The following PPP1R9A variants were observed in gnomAD, a reference collection of about 807,000 sequenced individuals.
PPP1R9A encodes neurabin-1.
Under a neutral mutation model 141.9 loss-of-function variants are expected in PPP1R9A, and 59 were observed. That is an observed-to-expected ratio of 0.42 (90% CI 0.34 to 0.52). The LOEUF is 0.52. Among genes scored for constraint, PPP1R9A ranks in the 20% least tolerant of loss-of-function variants. The probability of loss-of-function intolerance (pLI) is 0.10; values close to 1 mark genes in which losing one functional copy is unlikely to be tolerated. For missense variants in PPP1R9A, 1,444 were observed against 1,611.9 expected (o/e 0.90, Z 1.78); for synonymous variants, 500 against 569.7 (o/e 0.88, Z 1.74).
At chr7:94,948,696 T>C (rs1024005774) in intron 2 of PPP1R9A, among the ~76,000 whole-genome samples, 5 of 152,170 alleles carry the variant, frequency 3.3e-5, no homozygotes, top group African/African-American at 1.2e-4. Flanking sequence ...GTAAAATCCA[T>C]CTTTTGCATC....
At chr7:95,127,489 T>G (rs1051599935) in intron 4 of PPP1R9A, among the ~76,000 whole-genome samples, 5 of 147,624 alleles carry the variant, frequency 3.4e-5, no homozygotes, top group African/African-American at 1.3e-4. Context: ...GTATCTCTTC[T>G]GTCTTCTTTT....
At chr7:95,236,640 A>G (rs999065627) in intron 8 of PPP1R9A, among the ~76,000 whole-genome samples, 10 of 145,460 alleles carry the variant, frequency 6.9e-5, no homozygotes, top group African/African-American at 2.5e-4. Flanking sequence ...TTTTTGTAGA[A>G]TTTTATCTGT....
intron 4 of PPP1R9A, among the ~76,000 whole-genome samples, chr7:95,139,272 G>A (rs994680985): frequency 2.6e-5 from 4 of 152,242 alleles, no homozygotes; most frequent in African/African-American, 9.6e-5. Flanking sequence ...GAGCGAAGGG[G>A]GAAGCCCTAT....
chr7:95,146,720 G>A (rs1452972774), intron 4 of PPP1R9A, among the ~76,000 whole-genome samples: 3 of 152,154 alleles, frequency 2.0e-5, no homozygotes, highest in African/African-American at 7.2e-5. Context: ...CATATAGCTA[G>A]CTAGTTTTCT....
At chr7:94,941,897 G>A (rs1435896397) in intron 2 of PPP1R9A, among the ~76,000 whole-genome samples, 1 of 152,026 alleles carries the variant, frequency 6.6e-6, no homozygotes, top group East Asian at 1.9e-4. Context: ...AATTGGCTAT[G>A]TTTTTGCATC....
At chr7:95,173,631 T>C (rs559551122) in intron 5 of PPP1R9A, among the ~76,000 whole-genome samples, 23 of 152,154 alleles carry the variant, frequency 1.5e-4, no homozygotes, top group African/African-American at 5.3e-4. Flanking sequence ...AATTTTCTGA[T>C]AAAGAACTCT....
chr7:94,947,137 G>A (rs373866843), intron 2 of PPP1R9A, among the ~76,000 whole-genome samples: 4 of 151,984 alleles, frequency 2.6e-5, no homozygotes, highest in Admixed American at 6.6e-5. Flanking sequence ...TAGAAAAGTC[G>A]GCTTGCAGGC....
At chr7:95,138,525 G>T (rs1021689726) in intron 4 of PPP1R9A, among the ~76,000 whole-genome samples, 1 of 152,038 alleles carries the variant, frequency 6.6e-6, no homozygotes, top group Non-Finnish European at 1.5e-5. Flanking sequence ...CTGAGAAATT[G>T]AACTTCATTA....
intron 8 of PPP1R9A, among the ~76,000 whole-genome samples, chr7:95,229,732 C>T (rs1050132981): frequency 2.6e-5 from 4 of 152,070 alleles, no homozygotes; most frequent in African/African-American, 9.7e-5. Context: ...AGCTCTGTGG[C>T]CCTGCTGACT....
At chr7:95,112,296 A>G (rs1217286604) in intron 3 of PPP1R9A, among the ~76,000 whole-genome samples, 1 of 152,226 alleles carries the variant, frequency 6.6e-6, no homozygotes, top group Non-Finnish European at 1.5e-5. Flanking sequence ...CAAGCAGTCA[A>G]CAAACATGAA....
chr7:95,072,947 ATATAT>A (rs988640636), intron 2 of PPP1R9A, among the ~76,000 whole-genome samples: 2 of 129,242 alleles, frequency 1.5e-5, no homozygotes, highest in African/African-American at 2.9e-5. Flanking sequence ...TATATATATT[ATATAT>A]TATAATATGT....
intron 2 of PPP1R9A, among the ~76,000 whole-genome samples, chr7:95,041,658 G>A (rs967178377): frequency 1.1e-4 from 17 of 151,804 alleles, no homozygotes; most frequent in South Asian, 4.1e-4. Flanking sequence ...GTAGTTTCTC[G>A]TAACTAGAAA....
At chr7:95,096,883 C>A (rs1207808730) in intron 2 of PPP1R9A, among the ~76,000 whole-genome samples, 1 of 152,126 alleles carries the variant, frequency 6.6e-6, no homozygotes, top group Non-Finnish European at 1.5e-5. Flanking sequence ...AGGCTGAAGT[C>A]TTTGCTTTCG....
At chr7:95,069,956 T>G (rs1441123494) in intron 2 of PPP1R9A, among the ~76,000 whole-genome samples, 1 of 152,204 alleles carries the variant, frequency 6.6e-6, no homozygotes, top group African/African-American at 2.4e-5. Context: ...CACAGTAAAC[T>G]GATCTCTTCT....
intron 2 of PPP1R9A, among the ~76,000 whole-genome samples, chr7:94,928,537 A>G (rs1793760239): frequency 6.6e-6 from 1 of 152,136 alleles, no homozygotes. Flanking sequence ...GATGTCTTCC[A>G]TTTGCTGGAT....
rs560000967 is a variant in PPP1R9A, at chr7:94,978,056, C to T, written c.1395+66548C>T. On this transcript the variant is annotated intron_variant, in intron 2 of 19. Transcript: ENST00000433360. ...GATTACAGGCGTGAGCCACCATGCC[C>T]GGCCCATCTTGGGCTTCTTGTGGTG... Among the ~76,000 whole-genome samples the T allele has an allele frequency of 1.1e-3, 165 of 152,266 alleles. 1 individual carries two copies. Among genetic ancestry groups the T allele is most frequent in the Admixed American group, 0.01 (158 of 15,286 alleles).
chr7:95,088,994 G>T (rs1816981489), intron 2 of PPP1R9A, among the ~76,000 whole-genome samples: 1 of 152,114 alleles, frequency 6.6e-6, no homozygotes, highest in East Asian at 1.9e-4. Context: ...TGAGGAAGAT[G>T]TGGGCCTAAA....
rs148945893 is a variant in PPP1R9A at position 95,185,004 on chromosome 7, C to G, written c.1755-13345C>G. ...CTACCTGGTAGTTAAATTGCTAGGT[C>G]AAATAGTAGTTCTACTTTTAAGTTT... is the stretch of plus-strand genomic sequence containing the variant. On this transcript the variant is annotated intron_variant, in intron 5 of 19. Coordinates refer to ENST00000433360, the MANE Select transcript of PPP1R9A (RefSeq NM_001166160.2). 8.8e-3 allele frequency among the ~76,000 whole-genome samples: 1,319 copies of G among 149,304 alleles called. 13 individuals are homozygous for G. The highest frequency in any genetic ancestry group is 9.9e-3 in the Non-Finnish European group (666 of 67,608).
intron 2 of PPP1R9A, among the ~76,000 whole-genome samples, chr7:94,925,916 T>A (rs898736530): frequency 1.3e-5 from 2 of 152,096 alleles, no homozygotes; most frequent in East Asian, 3.9e-4. Flanking sequence ...AGCCTCGACC[T>A]CTGGGCTCAA....
Sources: allele counts gnomAD v4.1 joint callset (sites outside exome capture counted in the v4.1 genomes callset), GRCh38; gene constraint gnomAD v4.1.1; transcripts MANE v1.5; gene names NCBI Gene and HGNC (gene_info 2026-07-23, HGNC 2026-07-21).